The following SLC4A3 variants were observed in gnomAD, a reference collection of about 807,000 sequenced individuals.
SLC4A3 encodes the protein solute carrier family 4 member 3.
SLC4A3 carries 47 observed loss-of-function variants against 114.2 expected under a neutral mutation model. That is an observed-to-expected ratio of 0.41 (90% CI 0.33 to 0.52). The LOEUF is 0.52. Among genes scored for constraint, SLC4A3 ranks in the 20% least tolerant of loss-of-function variants. SLC4A3 has a pLI of 0.21. For synonymous variants in SLC4A3, 693 were observed against 710.3 expected, an observed-to-expected ratio of 0.98 and a Z score of 0.39; for missense variants, 1,312 against 1,668.3, an observed-to-expected ratio of 0.79 and a Z score of 3.72.
intron 11 of SLC4A3, 151 bp downstream of exon 11, chr2:219,634,130 GC>G: frequency 1.0e-6 from 1 of 1,003,456 alleles, no homozygotes; most frequent in Non-Finnish European, 1.4e-6. Context: ...ACCTGTCTTA[GC>G]CCAGCCCTTT....
In SLC4A3 at chr2:219,630,230, A is replaced by C. The variant is rs758054932; in HGVS notation, c.689A>C (p.Asp230Ala). Residue 230 changes from aspartate (D) to alanine (A), a missense_variant, in exon 6 of 23, where the codon GAC (aspartate) becomes GCC (alanine). Physicochemically the swap from Asp to Ala is moderately radical, Grantham distance 126. This residue lies in a region of SLC4A3 where 771 missense variants were observed against 977.7 expected (regional missense o/e 0.79). Coordinates refer to ENST00000358055, the MANE Select transcript of SLC4A3 (RefSeq NM_005070.4). The surrounding 1 kb of genome is among the most constrained non-coding windows in gnomAD (Gnocchi z 6.9). ...CCCTGGAGCCCATCGGCCAGTTATG[A>C]CCTGCGGGAGCGACTGTGCCCAGGC... is the stretch of plus-strand genomic sequence containing the variant. ...SRPWSPSASY[D>A]LRERLCPGSA... 6.2e-7 allele frequency: 1 copy of C among 1,612,868 alleles called. No homozygotes were observed. The highest frequency in any genetic ancestry group is 1.7e-5 in the Admixed American group (1 of 59,958).
Position 219,632,287 on chromosome 2 carries a change from T to C in SLC4A3, c.986T>C (p.Met329Thr). The change falls in exon 8 of 23, where the codon ATG becomes ACG. Residue 329 changes from methionine to threonine, a missense_variant. Transcript: ENST00000358055. ...HEVFVELNELMLDRSQEPHWR... is the reference protein window; with the variant it reads ...HEVFVELNELTLDRSQEPHWR... ...GTGTTCGTGGAGCTGAACGAGCTGA[T>C]GCTGGACCGCAGCCAGGAGCCCCAC... The C allele has an allele frequency of 6.2e-7, 1 of 1,614,064 alleles. No homozygotes were observed. The highest frequency in any genetic ancestry group is 8.5e-7 in the Non-Finnish European group (1 of 1,180,004).
chr2:219,634,510 C>T lies in SLC4A3; in HGVS notation c.1652C>T (p.Pro551Leu), dbSNP rs1408143572. Residue 551 changes from proline to leucine, a missense_variant, in exon 12 of 23, where the codon CCG becomes CTG. Pro to Leu is a moderately conservative substitution (Grantham distance 98). This residue lies in a region of SLC4A3 where 771 missense variants were observed against 977.7 expected (regional missense o/e 0.79). Coordinates refer to ENST00000358055, the MANE Select transcript of SLC4A3 (RefSeq NM_005070.4). ...LLESVLEVPV[P>L]VRFLFVMLGP... Reference sequence around the variant, plus strand: ...GAGTCTGTGCTTGAGGTCCCTGTCCCGGTCCGCTTCCTCTTCGTGATGCTG... The same window carrying T: ...GAGTCTGTGCTTGAGGTCCCTGTCCTGGTCCGCTTCCTCTTCGTGATGCTG... 9 of 1,614,084 alleles carry T rather than the reference C, an allele frequency of 5.6e-6. No homozygotes were observed. The highest frequency in any genetic ancestry group is 7.6e-6 in the Non-Finnish European group (9 of 1,180,054).
At position 219,635,305 on chromosome 2, in the gene SLC4A3, G is replaced by A. The variant is rs377401064; in HGVS notation, c.1781G>A (p.Arg594Gln). 2.5e-5 allele frequency: 40 copies of A among 1,614,014 alleles called. No individual in the cohort carries two copies. The highest frequency in any genetic ancestry group is 1.6e-4 in the African/African-American group (12 of 74,930). The change falls in exon 13 of 23, where the codon CGG becomes CAG. Residue 594 changes from arginine (R) to glutamine (Q), a missense_variant. Transcript: ENST00000358055. The part of the protein sequence containing the change: ...FHEAAYQADD[R>Q]QDLLSAISEF... ...GAGGCTGCCTACCAGGCAGATGACC[G>A]GCAAGACCTCCTAAGTGCCATCAGC...
chr2:219,630,402 A>AGCCT lies in SLC4A3; in HGVS notation c.811+53_811+56dup. The AGCCT allele has an allele frequency of 6.5e-7, 1 of 1,540,038 alleles. No individual in the cohort carries two copies. The highest frequency in any genetic ancestry group is 2.3e-5 in the East Asian group (1 of 44,104). On this transcript the variant is annotated intron_variant, in intron 6 of 22. Transcript: ENST00000358055. The surrounding 1 kb of genome is among the most constrained non-coding windows in gnomAD (Gnocchi z 6.9). ...CCATGGTCCACTGCGACGGACTCCC[A>AGCCT]GCCTGCGAGTGACCTTGGAGAGGCT...
chr2:219,640,407 C>G (rs200321600), intron 20 of SLC4A3, 23 bp from the exon 21 acceptor site: 4 of 1,601,560 alleles, frequency 2.5e-6, no homozygotes, highest in Non-Finnish European at 3.4e-6. Context: ...GAGGGTCAGG[C>G]GGGTCTGTGT....
Position 219,629,469 on chromosome 2 carries a change from G to A in SLC4A3, c.495+48G>A, listed in dbSNP as rs771446817. ...GTGGCAGGTCAGGGGTCAGGGAGGG[G>A]TACAGAGAGGAGGAGAGGAGTGCGT... is the stretch of plus-strand genomic sequence containing the variant. On this transcript the variant is annotated intron_variant, in intron 4 of 22. Transcript: ENST00000358055. The A allele has an allele frequency of 4.4e-6, 7 of 1,605,090 alleles. No individual in the cohort carries two copies. The Admixed American group carries it at 1.2e-4, about 27-fold the overall frequency.
chr2:219,638,857 C>T lies in SLC4A3; in HGVS notation c.3011C>T (p.Thr1004Ile). 2 of 1,613,792 alleles carry T rather than the reference C, an allele frequency of 1.2e-6. No individual in the cohort carries two copies. The highest frequency in any genetic ancestry group is 1.7e-6 in the Non-Finnish European group (2 of 1,180,014). ...LLVLILIFME[T>I]QITALIVSQK... is the part of the protein sequence containing the mutation. ...GTCCTCATCCTGATCTTCATGGAGACACAGATCACGGCGTGAGAGAGATGG... is the reference window on the plus strand; with the variant it reads ...GTCCTCATCCTGATCTTCATGGAGATACAGATCACGGCGTGAGAGAGATGG... Residue 1004 changes from threonine (T) to isoleucine (I), a missense_variant, in exon 19 of 23, where the codon ACA becomes ATA. Thr to Ile is a moderately conservative substitution (Grantham distance 89). Around this residue, in one of 4 missense-constraint regions of SLC4A3, gnomAD observed 301 missense variants for 460.7 expected, o/e 0.65. Transcript: ENST00000358055. The surrounding 1 kb of genome is among the most constrained non-coding windows in gnomAD (Gnocchi z 7.5).
Position 219,635,316 on chromosome 2 carries a change from C to T in SLC4A3, c.1792C>T (p.Leu598=). The change falls in exon 13 of 23, where the codon CTA becomes TTA. Residue 598 remains leucine (L), a synonymous_variant. Transcript: ENST00000358055. Reference sequence around the variant, plus strand: ...CCAGGCAGATGACCGGCAAGACCTCCTAAGTGCCATCAGCGAGTTCCTGGA... The same window carrying T: ...CCAGGCAGATGACCGGCAAGACCTCTTAAGTGCCATCAGCGAGTTCCTGGA... The part of the protein sequence containing the change: ...AYQADDRQDL[L]SAISEFLDGS... 2 of 1,614,160 alleles carry T rather than the reference C, an allele frequency of 1.2e-6. No homozygotes were observed. The highest frequency in any genetic ancestry group is 1.7e-6 in the Non-Finnish European group (2 of 1,180,008).
In SLC4A3 at chr2:219,637,254, G is replaced by A. The variant is rs1241448936; in HGVS notation, c.2536-327G>A. On this transcript the variant is annotated intron_variant, in intron 16 of 22. Coordinates refer to ENST00000358055, the MANE Select transcript of SLC4A3 (RefSeq NM_005070.4). The surrounding 1 kb of genome is among the most constrained non-coding windows in gnomAD (Gnocchi z 4.6). ...GTATGGTGTGTTGTGTGTGATGTAT[G>A]TGTTGTGTGTGTGTGCGTGTGTGTG... is the stretch of plus-strand genomic sequence containing the variant. Among the ~76,000 whole-genome samples, 2 of 151,062 alleles carry A rather than the reference G, an allele frequency of 1.3e-5. No homozygotes were observed. Among genetic ancestry groups the A allele is most frequent in the African/African-American group, 4.9e-5 (2 of 41,044 alleles).
chr2:219,632,521 T>C, intron 8 of SLC4A3, 79 bp downstream of exon 8: 1 of 1,426,892 alleles, frequency 7.0e-7, no homozygotes, highest in African/African-American at 1.4e-5. Flanking sequence ...AGGAACACTC[T>C]CTAGAGTCCT....
rs753138040 is a variant in SLC4A3, at chr2:219,632,406, C to T, written c.1105C>T (p.Arg369Cys). The change falls in exon 8 of 23, where the codon CGT becomes TGT. Residue 369 changes from arginine to cysteine, a missense_variant. By Grantham distance (180) the Arg-to-Cys change is radical. Coordinates refer to ENST00000358055, the MANE Select transcript of SLC4A3 (RefSeq NM_005070.4). ...GCCCCATGTTGCCTCGCTCTCCTTC[C>T]GTAGCCTTCTGGAGCTCAGGAGGAC... ...GKPHVASLSF[R>C]SLLELRRTIA... The T allele has an allele frequency of 1.1e-5, 17 of 1,608,950 alleles. No homozygotes were observed. Among genetic ancestry groups the T allele is most frequent in the African/African-American group, 4.0e-5 (3 of 74,916 alleles).
Position 219,638,760 on chromosome 2 carries a change from A to C in SLC4A3, c.2914A>C (p.Ile972Leu), listed in dbSNP as rs771895254. 1 of 1,614,104 alleles carries C rather than the reference A, an allele frequency of 6.2e-7. No homozygotes were observed. The highest frequency in any genetic ancestry group is 1.1e-5 in the South Asian group (1 of 91,084). ...CTCTCCCGATAAGCGCTCGTGGTTCATCCCACCCCTGGGCAGTGCCCGTCC... is the reference window on the plus strand; with the variant it reads ...CTCTCCCGATAAGCGCTCGTGGTTCCTCCCACCCCTGGGCAGTGCCCGTCC... ...VTSPDKRSWF[I>L]PPLGSARPFP... The change falls in exon 19 of 23, where the codon ATC becomes CTC. Residue 972 changes from isoleucine to leucine, a missense_variant. Ile to Leu is a conservative substitution (Grantham distance 5). Around this residue, in one of 4 missense-constraint regions of SLC4A3, gnomAD observed 301 missense variants for 460.7 expected, o/e 0.65. Coordinates refer to ENST00000358055, the MANE Select transcript of SLC4A3 (RefSeq NM_005070.4). This position sits in a 1 kb window ranked among gnomAD's most constrained non-coding sequence, Gnocchi z 7.5.
chr2:219,640,233 C>G (rs1173813931), intron 20 of SLC4A3, among the ~76,000 whole-genome samples, 197 bp from the exon 21 acceptor site: 5 of 123,674 alleles, frequency 4.0e-5, no homozygotes, highest in Admixed American at 8.3e-5. Flanking sequence ...CTGCCCCCCC[C>G]CCCGCCCCTC....
chr2:219,636,535 C>A lies in SLC4A3; in HGVS notation c.2340+85C>A. 2 of 1,480,668 alleles carry A rather than the reference C, an allele frequency of 1.4e-6. No homozygotes were observed. The highest frequency in any genetic ancestry group is 2.6e-5 in the South Asian group (2 of 75,668). 91.7% of individuals were successfully genotyped at this position (1,480,668 alleles called of 1,614,324 possible). A position where few individuals can be genotyped will look rare whatever the true frequency, so the allele number is the denominator to read the frequency against. On this transcript the variant is annotated intron_variant, in intron 15 of 22. Coordinates refer to ENST00000358055, the MANE Select transcript of SLC4A3 (RefSeq NM_005070.4). The surrounding 1 kb of genome is among the most constrained non-coding windows in gnomAD (Gnocchi z 5.5). ...CCTGCCCCACACTCTTCCTTACCTA[C>A]ATCCTGCCCCACACTCTTCCTTACC...
intron 20 of SLC4A3, 107 bp from the exon 21 acceptor site, chr2:219,640,323 C>T (rs1357278489): frequency 9.2e-6 from 12 of 1,307,504 alleles, no homozygotes; most frequent in Non-Finnish European, 1.3e-5. Context: ...TCTCCATCCT[C>T]ACGGGGGCTG....
rs564486079 is a variant in SLC4A3, at chr2:219,632,981, G to A, written c.1249G>A (p.Val417Ile). ...DQIRPEDRAS[V>I]LRTLLLKHSH... ...GATCCGGCCGGAGGACAGGGCCAGC[G>A]TCCTACGTACCCTGCTACTGAAGCA... Residue 417 changes from valine (V) to isoleucine (I), a missense_variant, in exon 9 of 23, where the codon GTC becomes ATC. Val to Ile is a conservative substitution (Grantham distance 29). Around this residue, in one of 4 missense-constraint regions of SLC4A3, gnomAD observed 771 missense variants for 977.7 expected, o/e 0.79. Coordinates refer to ENST00000358055, the MANE Select transcript of SLC4A3 (RefSeq NM_005070.4). 1.7e-4 allele frequency: 278 copies of A among 1,613,988 alleles called. No homozygotes were observed. The South Asian group carries it at 2.7e-3, about 15-fold the overall frequency.
At position 219,628,494 on chromosome 2, in the gene SLC4A3, T is replaced by C; in HGVS notation, c.141T>C (p.Phe47=). ...DLGKTLAVSR[F]GDLISKPPAW... ...GCAAGACCTTGGCTGTGAGCAGGTTTGGGGACCTCATCAGCAAGCCCCCGG... is the reference window on the plus strand; with the variant it reads ...GCAAGACCTTGGCTGTGAGCAGGTTCGGGGACCTCATCAGCAAGCCCCCGG... Residue 47 remains phenylalanine, a synonymous_variant, in exon 3 of 23, where the codon TTT becomes TTC. Transcript: ENST00000358055. This position sits in a 1 kb window ranked among gnomAD's most constrained non-coding sequence, Gnocchi z 4.8. 2 of 1,613,778 alleles carry C rather than the reference T, an allele frequency of 1.2e-6. No individual in the cohort carries two copies. The highest frequency in any genetic ancestry group is 1.7e-6 in the Non-Finnish European group (2 of 1,179,880).
chr2:219,634,633 C>T lies in SLC4A3; in HGVS notation c.1746+29C>T, dbSNP rs115463363. On this transcript the variant is annotated intron_variant, in intron 12 of 22. Transcript: ENST00000358055. The stretch of plus-strand genomic sequence containing the variant: ...GGGCGCGTGCTGGCTCTCAAGGCCT[C>T]TTCTCCTAGGCCCTGCTTACCCCTG... 2.8e-3 allele frequency: 4,438 copies of T among 1,607,938 alleles called. 98 individuals carry two copies. The African/African-American group carries it at 0.052, about 19-fold the overall frequency.
Sources: gnomAD v4.1 joint callset for allele counts (sites outside exome capture counted in the v4.1 genomes callset) on GRCh38, gnomAD v4.1.1 for gene constraint, gnomAD v4.1.1 regional missense constraint, Gnocchi (gnomAD v3.1) non-coding constraint, MANE v1.5 for transcripts, NCBI Gene and HGNC (gene_info 2026-07-23, HGNC 2026-07-21) for gene names.